The following OSBPL10 variants were observed in gnomAD, a reference collection of about 807,000 sequenced individuals.
OSBPL10 encodes the protein oxysterol binding protein like 10, also known as oxysterol-binding protein-related protein 10.
In OSBPL10, 49 loss-of-function variants were observed where a neutral mutation model predicts 81.7. The ratio of observed to expected loss-of-function variants is 0.60; its 90% CI spans 0.48 to 0.76. The LOEUF is 0.76. Ranked by LOEUF, OSBPL10 falls within the 30% of genes least tolerant of loss-of-function variation. The pLI, the probability that OSBPL10 is intolerant of heterozygous loss-of-function variation, is 0.00. For synonymous variants in OSBPL10, 419 were observed against 383.6 expected (o/e 1.09, Z -1.08); for missense variants, 923 against 987.8 (o/e 0.93, Z 0.88).
intron 2 of OSBPL10, among the ~76,000 whole-genome samples, chr3:32,036,150 C>A (rs1488372899): frequency 6.6e-6 from 1 of 152,184 alleles, no homozygotes; most frequent in Non-Finnish European, 1.5e-5. Context: ...TGGGCTCAAG[C>A]AATCCTCTTG....
chr3:31,915,343 A>C (rs1001268399), intron 1 of OSBPL10, among the ~76,000 whole-genome samples: 3 of 152,126 alleles, frequency 2.0e-5, no homozygotes, highest in African/African-American at 7.2e-5. Context: ...TCACAATAGC[A>C]AAGACATGGA....
intron 10 of OSBPL10, among the ~76,000 whole-genome samples, chr3:31,667,221 C>G (rs73826837): frequency 0.012 from 1,765 of 152,346 alleles, 35 homozygotes; most frequent in African/African-American, 0.041. Context: ...GCAGTGTGGG[C>G]AAGGGGATGG....
intron 1 of OSBPL10, among the ~76,000 whole-genome samples, chr3:31,900,373 C>A (rs1041600779): frequency 2.0e-5 from 3 of 152,128 alleles, no homozygotes; most frequent in Non-Finnish European, 4.4e-5. Context: ...ATCATTGCCC[C>A]TTCTTGTTCT....
intron 8 of OSBPL10, among the ~76,000 whole-genome samples, chr3:31,677,192 C>T (rs774073549): frequency 3.9e-5 from 6 of 152,206 alleles, no homozygotes; most frequent in Non-Finnish European, 8.8e-5. Context: ...TATCCAACCT[C>T]CTGCCTTCCC....
In OSBPL10 at chr3:31,897,542, A is replaced by T. The variant is rs759199350; in HGVS notation, c.282-17712T>A. On this transcript the variant is annotated intron_variant, in intron 1 of 11. Coordinates refer to ENST00000396556, the MANE Select transcript of OSBPL10 (RefSeq NM_017784.5). Reference sequence around the variant, plus strand: ...ACGACATTTCAGATTGAAAGATCTCACTTAGTGCCAAACAGGTTAGATGAG... The same window carrying T: ...ACGACATTTCAGATTGAAAGATCTCTCTTAGTGCCAAACAGGTTAGATGAG... 4.8e-4 allele frequency among the ~76,000 whole-genome samples: 73 copies of T among 152,326 alleles called. No homozygotes were observed. In the Middle Eastern group the frequency reaches 0.017, roughly 35 times the overall value.
At chr3:31,949,435 G>C (rs928227938) in intron 1 of OSBPL10, among the ~76,000 whole-genome samples, 7 of 152,092 alleles carry the variant, frequency 4.6e-5, no homozygotes, top group African/African-American at 1.7e-4. Flanking sequence ...TTGGGAGGCT[G>C]AGGCGGGCAG....
At position 31,686,441 on chromosome 3, in the gene OSBPL10, G is replaced by C. The variant is rs548422480; in HGVS notation, c.1246-2327C>G. Among the ~76,000 whole-genome samples, 39 of 152,230 alleles carry C rather than the reference G, an allele frequency of 2.6e-4. 1 individual carries two copies. Among genetic ancestry groups the C allele is most frequent in the African/African-American group, 8.9e-4 (37 of 41,538 alleles). On this transcript the variant is annotated intron_variant, in intron 7 of 11. Transcript: ENST00000396556. ...TGAAAAGTATGTCAGGAGAAAATGT[G>C]CCTGTCCTAAATAAAAAAGCAGCCA...
At chr3:31,728,995 A>G (rs1301615126) in intron 6 of OSBPL10, among the ~76,000 whole-genome samples, 1 of 152,186 alleles carries the variant, frequency 6.6e-6, no homozygotes, top group Non-Finnish European at 1.5e-5. Flanking sequence ...GGAGCATTTT[A>G]GATTTTGAAT....
At chr3:31,801,244 A>G (rs2125450176) in intron 4 of OSBPL10, among the ~76,000 whole-genome samples, 1 of 152,306 alleles carries the variant, frequency 6.6e-6, no homozygotes, top group Non-Finnish European at 1.5e-5. Context: ...GGACATCTCC[A>G]TGATATGGTG....
chr3:31,873,966 C>T (rs1371295915), intron 3 of OSBPL10, among the ~76,000 whole-genome samples: 1 of 152,142 alleles, frequency 6.6e-6, no homozygotes, highest in Non-Finnish European at 1.5e-5. Flanking sequence ...CTTTCATCTC[C>T]ATTTCTCAAA....
intron 4 of OSBPL10, among the ~76,000 whole-genome samples, chr3:31,751,479 G>T (rs1436192023): frequency 6.6e-6 from 1 of 152,238 alleles, no homozygotes; most frequent in Non-Finnish European, 1.5e-5. Context: ...TTTAAAGGCA[G>T]TGGGGTTTGG....
intron 3 of OSBPL10, among the ~76,000 whole-genome samples, chr3:31,835,052 A>T (rs951791661): frequency 6.6e-6 from 1 of 152,216 alleles, no homozygotes; most frequent in African/African-American, 2.4e-5. Flanking sequence ...TTCAAGCCTC[A>T]TTATAGGGGA....
chr3:31,815,950 G>T (rs539370213), intron 4 of OSBPL10, among the ~76,000 whole-genome samples: 1 of 152,282 alleles, frequency 6.6e-6, no homozygotes, highest in East Asian at 1.9e-4. Context: ...TCATGTCACT[G>T]AACTGTGATA....
At chr3:32,007,684 A>G (rs987514218) in intron 2 of OSBPL10, among the ~76,000 whole-genome samples, 1 of 151,956 alleles carries the variant, frequency 6.6e-6, no homozygotes, top group Non-Finnish European at 1.5e-5. Flanking sequence ...TCAATCATAC[A>G]GGATGATCTC....
intron 5 of OSBPL10, among the ~76,000 whole-genome samples, chr3:31,744,402 A>T (rs7612248): frequency 0.51 from 76,654 of 151,420 alleles, 19,910 homozygotes; most frequent in East Asian, 0.78. Context: ...TTAGCCAGGC[A>T]TGGTGGGCAC....
intron 4 of OSBPL10, among the ~76,000 whole-genome samples, chr3:31,783,554 G>T (rs1469452113): frequency 2.6e-5 from 4 of 151,388 alleles, no homozygotes; most frequent in Non-Finnish European, 5.9e-5. Context: ...ACTTTGGAAG[G>T]CTGAGGCGGG....
At chr3:31,890,127 C>CA (rs201495478) in intron 1 of OSBPL10, among the ~76,000 whole-genome samples, 2,407 of 150,662 alleles carry the variant, frequency 0.016, 64 homozygotes, top group African/African-American at 0.056. Context: ...CCCTCAAGTA[C>CA]AAAAAACAGT....
At chr3:31,856,044 A>G (rs1421608077) in intron 3 of OSBPL10, among the ~76,000 whole-genome samples, 1 of 148,606 alleles carries the variant, frequency 6.7e-6, no homozygotes, top group African/African-American at 2.5e-5. Flanking sequence ...TGTATAATAT[A>G]TGTTATATAC....
chr3:31,780,830 C>CA (rs1553624855), intron 4 of OSBPL10, among the ~76,000 whole-genome samples: 74 of 150,640 alleles, frequency 4.9e-4, no homozygotes, highest in Middle Eastern at 3.4e-3. Flanking sequence ...AATTGCCCCC[C>CA]ACCCCCCCAA....
Sources: allele counts gnomAD v4.1 joint callset (sites outside exome capture counted in the v4.1 genomes callset), GRCh38; gene constraint gnomAD v4.1.1; transcripts MANE v1.5; gene names NCBI Gene and HGNC (gene_info 2026-07-23, HGNC 2026-07-21).